Variants in STAG1 observed in about 807,000 individuals in gnomAD.
STAG1 encodes the protein cohesin subunit SA-1.
In STAG1, 26 loss-of-function variants were observed where a neutral mutation model predicts 170.9. That is an observed-to-expected ratio of 0.15 (90% CI 0.11 to 0.21). The LOEUF is 0.21. STAG1 is among the 10% of genes least tolerant of loss of function. The probability of loss-of-function intolerance (pLI) is 1.00; values close to 1 mark genes in which losing one functional copy is unlikely to be tolerated. For missense variants in STAG1, 964 were observed against 1,509.5 expected, an observed-to-expected ratio of 0.64 and a Z score of 5.99; for synonymous variants, 514 against 497.7, an observed-to-expected ratio of 1.03 and a Z score of -0.44.
chr3:136,379,171 A>C (rs1385256313), intron 22 of STAG1, among the ~76,000 whole-genome samples: 4 of 152,102 alleles, frequency 2.6e-5, no homozygotes, highest in African/African-American at 7.3e-5. Flanking sequence ...AACATTCCTG[A>C]AACTTTAATT....
intron 22 of STAG1, among the ~76,000 whole-genome samples, chr3:136,378,941 T>G (rs774468798): frequency 3.3e-5 from 5 of 152,224 alleles, no homozygotes; most frequent in Non-Finnish European, 7.3e-5. Flanking sequence ...TAAAACTCTT[T>G]AAGCCACTCT....
intron 4 of STAG1, among the ~76,000 whole-genome samples, chr3:136,574,793 T>C (rs1228104156): frequency 1.3e-5 from 2 of 152,154 alleles, no homozygotes; most frequent in Non-Finnish European, 2.9e-5. Flanking sequence ...AATGAGTGTA[T>C]AGAAGATAGG....
intron 24 of STAG1, 108 bp downstream of exon 24, chr3:136,369,000 A>T: frequency 8.8e-7 from 1 of 1,142,036 alleles, no homozygotes; most frequent in Non-Finnish European, 1.2e-6. Flanking sequence ...CAACTTTTTT[A>T]AAAGAAAGAA....
intron 4 of STAG1, among the ~76,000 whole-genome samples, chr3:136,571,172 A>G (rs973228707): frequency 1.3e-5 from 2 of 152,194 alleles, no homozygotes; most frequent in Admixed American, 1.3e-4. Context: ...TCTGAGTAGA[A>G]TTTTAATTCC....
chr3:136,699,576 G>A (rs1279852986), intron 1 of STAG1, among the ~76,000 whole-genome samples: 1 of 151,578 alleles, frequency 6.6e-6, no homozygotes, highest in African/African-American at 2.4e-5. Context: ...ATGGTAGATG[G>A]GGTTTCACCA....
At chr3:136,347,672 T>C (rs1576376274) in intron 29 of STAG1, among the ~76,000 whole-genome samples, 2 of 152,348 alleles carry the variant, frequency 1.3e-5, no homozygotes, top group South Asian at 2.1e-4. Context: ...GGAATACAGA[T>C]GCTGCCTAAT....
chr3:136,646,919 T>C (rs962555106), intron 1 of STAG1, among the ~76,000 whole-genome samples: 1 of 151,630 alleles, frequency 6.6e-6, no homozygotes, highest in African/African-American at 2.4e-5. Context: ...CTGAAAAAAA[T>C]ATATAATAAT....
At chr3:136,486,861 A>T (rs2107837987) in intron 9 of STAG1, among the ~76,000 whole-genome samples, 1 of 152,206 alleles carries the variant, frequency 6.6e-6, no homozygotes, top group African/African-American at 2.4e-5. Flanking sequence ...AATCCTGTTC[A>T]AAACATTTTT....
chr3:136,528,953 CA>C (rs200426088), intron 6 of STAG1, among the ~76,000 whole-genome samples: 3 of 148,924 alleles, frequency 2.0e-5, no homozygotes, highest in Non-Finnish European at 4.5e-5. Flanking sequence ...CAAAACAAAA[CA>C]AAAAAAAACA....
chr3:136,624,905 G>A (rs1361614594), intron 2 of STAG1, among the ~76,000 whole-genome samples: 2 of 152,006 alleles, frequency 1.3e-5, no homozygotes, highest in African/African-American at 4.8e-5. Flanking sequence ...AGCATAAATA[G>A]TAACATGAAA....
At chr3:136,404,977 A>C (rs780035068) in intron 21 of STAG1, among the ~76,000 whole-genome samples, 1 of 151,844 alleles carries the variant, frequency 6.6e-6, no homozygotes, top group Non-Finnish European at 1.5e-5. Context: ...GGGCTCTTCT[A>C]TTTTTCTGTT....
intron 14 of STAG1, among the ~76,000 whole-genome samples, chr3:136,448,535 T>C (rs866913024): frequency 6.6e-6 from 1 of 152,182 alleles, no homozygotes; most frequent in African/African-American, 2.4e-5. Context: ...GCCCTTATGA[T>C]ACAGTTATCT....
intron 6 of STAG1, among the ~76,000 whole-genome samples, chr3:136,528,234 A>G (rs1338804177): frequency 1.3e-5 from 2 of 152,220 alleles, no homozygotes; most frequent in Middle Eastern, 3.4e-3. Context: ...GCTCTACCCA[A>G]TTTGAACTTC....
At chr3:136,379,249 T>C (rs1042138894) in intron 22 of STAG1, among the ~76,000 whole-genome samples, 2 of 151,486 alleles carry the variant, frequency 1.3e-5, no homozygotes, top group African/African-American at 4.9e-5. Context: ...GTGTAAGGAG[T>C]GCTATGGTAG....
At chr3:136,668,832 T>A (rs868494390) in intron 1 of STAG1, among the ~76,000 whole-genome samples, 3 of 152,192 alleles carry the variant, frequency 2.0e-5, no homozygotes, top group East Asian at 3.8e-4. Context: ...CACTCCTCAA[T>A]AGAGACTTCC....
chr3:136,398,245 G>A (rs1278146310), intron 22 of STAG1, among the ~76,000 whole-genome samples: 2 of 152,070 alleles, frequency 1.3e-5, no homozygotes, highest in Non-Finnish European at 1.5e-5. Context: ...AGCCTCCCAA[G>A]TAGCTGGGAC....
chr3:136,411,398 C>A (rs2087619262), intron 21 of STAG1, among the ~76,000 whole-genome samples: 1 of 151,874 alleles, frequency 6.6e-6, no homozygotes, highest in Non-Finnish European at 1.5e-5. Context: ...ACTATACCAA[C>A]AGAAAATAGG....
chr3:136,738,600 G>A (rs964122174), intron 1 of STAG1, among the ~76,000 whole-genome samples: 28 of 152,072 alleles, frequency 1.8e-4, no homozygotes, highest in African/African-American at 6.8e-4. Flanking sequence ...GCAGTGAGCC[G>A]AGATCGATCG....
rs140784747 is a variant in STAG1, at chr3:136,390,086, C to T, written c.2277+8663G>A. Among the ~76,000 whole-genome samples the T allele has an allele frequency of 5.0e-3, 760 of 152,172 alleles. 5 individuals carry two copies. The highest frequency in any genetic ancestry group is 0.014 in the Middle Eastern group (4 of 294). On this transcript the variant is annotated intron_variant, in intron 22 of 33. Coordinates refer to ENST00000383202, the MANE Select transcript of STAG1 (RefSeq NM_005862.3). ...GACCTTGTGATCTGCCCACCTTGGC[C>T]ACCCAAATTGCTGGGATTAGAGGTG...
Sources: gnomAD v4.1 joint callset for allele counts (sites outside exome capture counted in the v4.1 genomes callset) on GRCh38, gnomAD v4.1.1 for gene constraint, MANE v1.5 for transcripts, NCBI Gene and HGNC (gene_info 2026-07-23, HGNC 2026-07-21) for gene names.